SP140: variants seen among roughly 807,000 people sequenced by gnomAD.
SP140 encodes SP140 nuclear body protein.
Under a neutral mutation model 125.0 loss-of-function variants are expected in SP140, and 81 were observed. That is an observed-to-expected ratio of 0.65 (90% CI 0.54 to 0.78). The LOEUF is 0.78. SP140 is among the 30% of genes least tolerant of loss of function. SP140 has a pLI of 0.00. For missense variants in SP140, 858 were observed against 1,037.0 expected (o/e 0.83, Z 2.37); for synonymous variants, 312 against 354.0 (o/e 0.88, Z 1.33).
chr2:230,218,504 TGC>T (rs1246865280), intron 3 of SP140, among the ~76,000 whole-genome samples: 2 of 152,134 alleles, frequency 1.3e-5, no homozygotes, highest in African/African-American at 4.8e-5. Context: ...CAAAGATCAG[TGC>T]AAAGTCAGAG....
chr2:230,284,599 A>G lies in SP140; in HGVS notation c.1564+188A>G, dbSNP rs546791732. Among the ~76,000 whole-genome samples, 3 of 152,374 alleles carry G rather than the reference A, an allele frequency of 2.0e-5. No individual in the cohort carries two copies. In the East Asian group the frequency reaches 5.8e-4, roughly 29 times the overall value. On this transcript the variant is annotated intron_variant, in intron 16 of 26. Transcript: ENST00000392045. ...GCTTCAACAAAATGGTTTCTAATGC[A>G]TGTAATAGTCCAGAGGCCCACAGTT...
At chr2:230,231,319 A>G (rs1248053770) in intron 1 of SP140, among the ~76,000 whole-genome samples, 1 of 152,118 alleles carries the variant, frequency 6.6e-6, no homozygotes, top group Non-Finnish European at 1.5e-5. Context: ...CATGTCTTAT[A>G]ATTTTTTTTT....
rs1015358498 is a variant in SP140, at chr2:230,238,347, T to C, written c.372T>C (p.Pro124=). ...LFSRINLMAY[P]DLNEIYRSFQ... Reference sequence around the variant, plus strand: ...GCAGGATTAACCTGATGGCCTATCCTGATTTAAACGAGATTTACAGAAGCT... The same window carrying C: ...GCAGGATTAACCTGATGGCCTATCCCGATTTAAACGAGATTTACAGAAGCT... Residue 124 remains proline (P), a synonymous_variant, in exon 3 of 27, where the codon CCT becomes CCC. Coordinates refer to ENST00000392045, the MANE Select transcript of SP140 (RefSeq NM_007237.5). 1.9e-6 allele frequency: 3 copies of C among 1,611,970 alleles called. No homozygotes were observed. In the African/African-American group the frequency reaches 4.0e-5, roughly 22 times the overall value.
chr2:230,226,947 A>G (rs2046517008), intron 1 of SP140, among the ~76,000 whole-genome samples: 1 of 152,200 alleles, frequency 6.6e-6, no homozygotes, highest in African/African-American at 2.4e-5. Flanking sequence ...TATAGCATTT[A>G]CATTGTATTA....
At position 230,312,740 on chromosome 2, in the gene SP140, G is replaced by C; in HGVS notation, c.*56G>C. On this transcript the variant is annotated 3_prime_UTR_variant, in exon 27 of 27. Transcript: ENST00000392045. ...AAATGGCACCCTAAAATATGCCGCT[G>C]GTTTGCCACTGACTTCAAAATGAGG... 7.5e-7 allele frequency: 1 copy of C among 1,327,956 alleles called. No homozygotes were observed. The highest frequency in any genetic ancestry group is 1.1e-6 in the Non-Finnish European group (1 of 925,374). 82.3% of individuals were successfully genotyped at this position (1,327,956 alleles called of 1,614,324 possible). A position where few individuals can be genotyped will look rare whatever the true frequency, so the allele number is the denominator to read the frequency against.
At chr2:230,282,702 A>G (rs528029392) in intron 15 of SP140, among the ~76,000 whole-genome samples, 3 of 152,330 alleles carry the variant, frequency 2.0e-5, no homozygotes, top group South Asian at 4.2e-4. Context: ...AGCACCTCTA[A>G]GGTACAAGTC....
intron 3 of SP140, among the ~76,000 whole-genome samples, chr2:230,220,378 A>G (rs2045709903): frequency 6.6e-6 from 1 of 152,196 alleles, no homozygotes; most frequent in African/African-American, 2.4e-5. Flanking sequence ...ATTCACTGGA[A>G]TTTATCCAGT....
chr2:230,247,898 G>C lies in SP140; in HGVS notation c.743-18G>C, dbSNP rs1248511362. 1 of 1,611,628 alleles carries C rather than the reference G, an allele frequency of 6.2e-7. No homozygotes were observed. The highest frequency in any genetic ancestry group is 1.1e-5 in the South Asian group (1 of 90,788). On this transcript the variant is annotated intron_variant, in intron 7 of 26. Coordinates refer to ENST00000392045, the MANE Select transcript of SP140 (RefSeq NM_007237.5). Reference sequence around the variant, plus strand: ...GGAAATTACATACACTCTCAGAGATGCCTTTTTTGATCCCTAGTTCTAGAA... The same window carrying C: ...GGAAATTACATACACTCTCAGAGATCCCTTTTTTGATCCCTAGTTCTAGAA...
At chr2:230,288,754 A>G (rs1456000128) in intron 18 of SP140, among the ~76,000 whole-genome samples, 4 of 152,094 alleles carry the variant, frequency 2.6e-5, no homozygotes, top group Non-Finnish European at 5.9e-5. Flanking sequence ...TTTGCCCAGA[A>G]TGATGGTTTC....
At chr2:230,206,595 T>TTATA (rs56817002) in intron 1 of SP140, among the ~76,000 whole-genome samples, 1,895 of 69,870 alleles carry the variant, frequency 0.027, 113 homozygotes, top group Non-Finnish European at 0.032. Flanking sequence ...GGTCCAGATT[T>TTATA]TATATATATA....
At chr2:230,244,895 G>T in intron 5 of SP140, 93 bp from the exon 6 acceptor site, 1 of 840,788 alleles carries the variant, frequency 1.2e-6, no homozygotes, top group Non-Finnish European at 1.9e-6. Context: ...GTGTTTTTTT[G>T]CAAGGAGAAG....
chr2:230,247,389 C>G, intron 7 of SP140, among the ~76,000 whole-genome samples: 1 of 152,122 alleles, frequency 6.6e-6, no homozygotes, highest in African/African-American at 2.4e-5. Flanking sequence ...ACTCATGACT[C>G]ACCCCACCTC....
exon 3 of SP140, chr2:230,214,040 A>G (rs1055797603): frequency 3.3e-5 from 5 of 152,228 alleles, no homozygotes; most frequent in East Asian, 3.8e-4. Flanking sequence ...AAAATATCCA[A>G]TGTGAGCTGG....
At chr2:230,277,109 GATTTGAGAGGATCT>G in intron 15 of SP140, among the ~76,000 whole-genome samples, 1 of 152,292 alleles carries the variant, frequency 6.6e-6, no homozygotes, top group South Asian at 2.1e-4. Context: ...GCAGCAGCAA[GATTTGAGAGGATCT>G]ACCGTGATAA....
intron 3 of SP140, chr2:230,214,923 C>T: frequency 6.8e-6 from 11 of 1,607,462 alleles, no homozygotes; most frequent in Non-Finnish European, 8.5e-6. Flanking sequence ...TTTTTAAATG[C>T]AAAAAGCACT....
chr2:230,308,951 T>C (rs186422516), intron 22 of SP140, among the ~76,000 whole-genome samples: 3 of 152,354 alleles, frequency 2.0e-5, no homozygotes, highest in Non-Finnish European at 2.9e-5. Flanking sequence ...AATACACATG[T>C]ATTTGTCTAC....
chr2:230,290,470 G>A lies in SP140; in HGVS notation c.1731G>A (p.Lys577=). Residue 577 remains lysine, a synonymous_variant, in exon 19 of 27, where the codon AAG becomes AAA. Coordinates refer to ENST00000392045, the MANE Select transcript of SP140 (RefSeq NM_007237.5). ...AATCCTCTCTTTCAGCTTCAAGAAAGCACAAAGATGAAACTGTGGATTTTA... is the reference window on the plus strand; with the variant it reads ...AATCCTCTCTTTCAGCTTCAAGAAAACACAAAGATGAAACTGTGGATTTTA... ...QKRVRSRASR[K]HKDETVDFKA... is the part of the protein sequence containing the mutation. 6.2e-7 allele frequency: 1 copy of A among 1,613,810 alleles called. No homozygotes were observed. Among genetic ancestry groups the A allele is most frequent in the Non-Finnish European group, 8.5e-7 (1 of 1,179,862 alleles).
In SP140 at chr2:230,264,532, G is replaced by A. The variant is rs1228881168; in HGVS notation, c.1241-5000G>A. ...GCTGGTGAACTAGTGTGATTTTTGG[G>A]GTGTGTTAAAGAGCCTTGTTTTGTC... On this transcript the variant is annotated intron_variant, in intron 12 of 26. Coordinates refer to ENST00000392045, the MANE Select transcript of SP140 (RefSeq NM_007237.5). Among the ~76,000 whole-genome samples the A allele has an allele frequency of 2.0e-5, 3 of 152,136 alleles. No homozygotes were observed. In the South Asian group the frequency reaches 6.2e-4, roughly 32 times the overall value.
rs1559268401 is a variant in SP140, at chr2:230,255,432, G to A, written c.1160-20G>A. ...TGGTTGTATACTGAGACCTCTGAGGGATTTCCTTCCTTTCTGCAGAGGGCA... is the reference window on the plus strand; with the variant it reads ...TGGTTGTATACTGAGACCTCTGAGGAATTTCCTTCCTTTCTGCAGAGGGCA... On this transcript the variant is annotated intron_variant, in intron 11 of 26. Coordinates refer to ENST00000392045, the MANE Select transcript of SP140 (RefSeq NM_007237.5). The A allele has an allele frequency of 6.2e-7, 1 of 1,613,308 alleles. No homozygotes were observed.
Sources: gnomAD v4.1 joint callset for allele counts (sites outside exome capture counted in the v4.1 genomes callset) on GRCh38, gnomAD v4.1.1 for gene constraint, MANE v1.5 for transcripts, NCBI Gene and HGNC (gene_info 2026-07-23, HGNC 2026-07-21) for gene names.